SERGEF: variants seen among roughly 807,000 people sequenced by gnomAD.
The protein encoded by SERGEF is secretion-regulating guanine nucleotide exchange factor.
SERGEF carries 51 observed loss-of-function variants against 50.0 expected under a neutral mutation model. The observed-to-expected ratio is 1.02, with a 90% CI of 0.81 to 1.29. The LOEUF (loss-of-function observed/expected upper bound fraction) is 1.29, where lower values mean the gene tolerates loss of function less well. Ranked by LOEUF, SERGEF falls within the 50% of genes most tolerant of loss-of-function variation. The probability of loss-of-function intolerance (pLI) is 0.00; values close to 1 mark genes in which losing one functional copy is unlikely to be tolerated. For synonymous variants in SERGEF, 205 were observed against 212.4 expected, an observed-to-expected ratio of 0.97 and a Z score of 0.30; for missense variants, 521 against 557.0, an observed-to-expected ratio of 0.94 and a Z score of 0.65.
At chr11:17,805,229 C>T (rs552471391) in intron 10 of SERGEF, among the ~76,000 whole-genome samples, 42 of 152,214 alleles carry the variant, frequency 2.8e-4, no homozygotes, top group Non-Finnish European at 5.3e-4. Context: ...TAACTCAACA[C>T]GTGGTCTTGG....
intron 9 of SERGEF, among the ~76,000 whole-genome samples, chr11:17,916,252 G>A (rs900529712): frequency 6.6e-5 from 10 of 152,104 alleles, no homozygotes; most frequent in Non-Finnish European, 4.4e-5. Context: ...GTCCAAGAAT[G>A]TTCAAAATGA....
At chr11:17,870,777 C>T (rs1851124019) in intron 10 of SERGEF, among the ~76,000 whole-genome samples, 1 of 151,910 alleles carries the variant, frequency 6.6e-6, no homozygotes, top group Non-Finnish European at 1.5e-5. Context: ...AAAAAGGCCA[C>T]AATAATCTTA....
chr11:17,930,715 G>C (rs1852336401), intron 9 of SERGEF, among the ~76,000 whole-genome samples: 1 of 152,200 alleles, frequency 6.6e-6, no homozygotes, highest in South Asian at 2.1e-4. Flanking sequence ...TCAGATGACA[G>C]GGTTCAAGTC....
intron 10 of SERGEF, among the ~76,000 whole-genome samples, chr11:17,812,038 C>T (rs1690776241): frequency 6.6e-6 from 1 of 152,164 alleles, no homozygotes. Context: ...AAAGGTCTGC[C>T]CACCAAATGT....
At chr11:17,869,292 A>C (rs759818216) in intron 10 of SERGEF, among the ~76,000 whole-genome samples, 16 of 152,256 alleles carry the variant, frequency 1.1e-4, no homozygotes, top group Non-Finnish European at 1.8e-4. Flanking sequence ...CAAAAACAGA[A>C]GATAAAAAGC....
intron 8 of SERGEF, among the ~76,000 whole-genome samples, chr11:17,979,064 C>A (rs1853439097): frequency 6.6e-6 from 1 of 152,240 alleles, no homozygotes; most frequent in African/African-American, 2.4e-5. Context: ...ACAGCTGCAG[C>A]TGAGAACATG....
chr11:18,012,805 C>T, intron 1 of SERGEF, 146 bp downstream of exon 1: 2 of 1,507,850 alleles, frequency 1.3e-6, no homozygotes, highest in Non-Finnish European at 1.8e-6. Context: ...TCCGCTCCCC[C>T]TCCGCTCCCA....
chr11:17,916,562 T>A (rs1041964042), intron 9 of SERGEF, among the ~76,000 whole-genome samples: 2 of 152,214 alleles, frequency 1.3e-5, no homozygotes, highest in Admixed American at 6.5e-5. Flanking sequence ...TATGAATTGG[T>A]TAGCATAGGA....
At chr11:17,873,191 T>C (rs1851178054) in intron 10 of SERGEF, among the ~76,000 whole-genome samples, 1 of 151,924 alleles carries the variant, frequency 6.6e-6, no homozygotes, top group Admixed American at 6.6e-5. Context: ...GAGGTGGGGG[T>C]AAAAGACCTA....
At position 18,006,762 on chromosome 11, in the gene SERGEF, G is replaced by A. The variant is rs1450662981; in HGVS notation, c.197-16C>T. 7 of 1,613,660 alleles carry A rather than the reference G, an allele frequency of 4.3e-6. No individual in the cohort carries two copies. The highest frequency in any genetic ancestry group is 5.9e-6 in the Non-Finnish European group (7 of 1,179,822). ...TCTCCTCCATCTGCAAAATATAAAG[G>A]CATCAGTGATAGCGTGCACAGGAAA... On this transcript the variant is annotated splice_polypyrimidine_tract_variant and intron_variant, in intron 2 of 10. Coordinates refer to ENST00000265965, the MANE Select transcript of SERGEF (RefSeq NM_012139.4).
At chr11:17,800,855 C>T (rs1849655239) in intron 10 of SERGEF, among the ~76,000 whole-genome samples, 1 of 151,992 alleles carries the variant, frequency 6.6e-6, no homozygotes, top group Admixed American at 6.6e-5. Flanking sequence ...GGAGGGTGAC[C>T]ACGTGTGTCT....
chr11:17,899,915 G>A (rs1168676928), intron 9 of SERGEF, among the ~76,000 whole-genome samples: 1 of 147,456 alleles, frequency 6.8e-6, no homozygotes, highest in African/African-American at 2.5e-5. Flanking sequence ...ATGATGGCAT[G>A]ACTACACTCC....
At chr11:17,947,515 C>T (rs756952121) in intron 9 of SERGEF, among the ~76,000 whole-genome samples, 8 of 152,170 alleles carry the variant, frequency 5.3e-5, no homozygotes, top group Admixed American at 1.3e-4. Flanking sequence ...TCTTGGGTGG[C>T]TCTGTTTACC....
At chr11:18,001,164 G>A (rs1853952453) in intron 4 of SERGEF, among the ~76,000 whole-genome samples, 1 of 152,170 alleles carries the variant, frequency 6.6e-6, no homozygotes, top group South Asian at 2.1e-4. Context: ...CTATCTGCCT[G>A]CAGCTTCTGA....
intron 7 of SERGEF, 54 bp from the exon 8 acceptor site, chr11:17,988,809 A>T: frequency 6.5e-7 from 1 of 1,540,432 alleles, no homozygotes; most frequent in East Asian, 2.3e-5. Flanking sequence ...GTCCAAAATG[A>T]TGGAAAATAA....
At chr11:17,981,005 A>G (rs1467277592) in intron 8 of SERGEF, among the ~76,000 whole-genome samples, 1 of 152,222 alleles carries the variant, frequency 6.6e-6, no homozygotes, top group Non-Finnish European at 1.5e-5. Flanking sequence ...GAAGCAAGTC[A>G]AACTCTCCAT....
intron 9 of SERGEF, among the ~76,000 whole-genome samples, chr11:17,915,086 C>G (rs912083312): frequency 6.6e-6 from 1 of 152,146 alleles, no homozygotes; most frequent in Non-Finnish European, 1.5e-5. Context: ...TTTTGTATCT[C>G]TCATAGCTTT....
rs211126 is a variant in SERGEF, at chr11:17,991,198, G to A, written c.685+1733C>T. 0.84 allele frequency among the ~76,000 whole-genome samples: 127,226 copies of A among 152,132 alleles called. 53,344 individuals carry two copies. Among genetic ancestry groups the A allele is most frequent in the East Asian group, 0.92 (4,763 of 5,192 alleles). On this transcript the variant is annotated intron_variant, in intron 7 of 10. Transcript: ENST00000265965. This position sits in a 1 kb window ranked among gnomAD's most constrained non-coding sequence, Gnocchi z 4.9. ...ATTGTATACTTTAAATGAAACTTAA[G>A]TTCTTTGTATACTTTAAAAGAAATT... is the stretch of plus-strand genomic sequence containing the variant.
rs535608183 is a variant in SERGEF, at chr11:17,940,396, G to A, written c.1011+19074C>T. Among the ~76,000 whole-genome samples the A allele has an allele frequency of 2.0e-5, 3 of 152,158 alleles. No individual in the cohort carries two copies. In the East Asian group the frequency reaches 5.8e-4, roughly 29 times the overall value. ...TTAGCCTCTTTGAGTTCCAGTGACC[G>A]CATCCCCCACCACCGCCCACCCAAC... On this transcript the variant is annotated intron_variant, in intron 9 of 10. Coordinates refer to ENST00000265965, the MANE Select transcript of SERGEF (RefSeq NM_012139.4).
Sources: gnomAD v4.1 joint callset for allele counts (sites outside exome capture counted in the v4.1 genomes callset) on GRCh38, gnomAD v4.1.1 for gene constraint, Gnocchi (gnomAD v3.1) non-coding constraint, MANE v1.5 for transcripts, NCBI Gene and HGNC (gene_info 2026-07-23, HGNC 2026-07-21) for gene names.